GLIS3: variants seen among roughly 807,000 people sequenced by gnomAD.
GLIS3 encodes the protein GLIS family zinc finger 3, also known as zinc finger protein GLIS3.
A neutral mutation model predicts 78.6 loss-of-function variants in GLIS3; 53 were observed. The observed-to-expected ratio is 0.67, with a 90% confidence interval of 0.54 to 0.85. The LOEUF (loss-of-function observed/expected upper bound fraction) is 0.85, where lower values mean the gene tolerates loss of function less well. Ranked by LOEUF, GLIS3 falls within the 40% of genes least tolerant of loss-of-function variation. GLIS3 has a pLI of 0.00. For synonymous variants in GLIS3, 684 were observed against 509.9 expected (o/e 1.34, Z -4.60); for missense variants, 1,703 against 1,231.1 (o/e 1.38, Z -5.74).
chr9:4,346,355 A>G (rs1458684280), intron 2 of GLIS3, among the ~76,000 whole-genome samples: 1 of 151,598 alleles, frequency 6.6e-6, no homozygotes, highest in Non-Finnish European at 1.5e-5. Flanking sequence ...TTTGACAGTC[A>G]AAGCAGAGCG....
chr9:4,050,332 T>C (rs532153845), intron 4 of GLIS3, among the ~76,000 whole-genome samples: 258 of 152,168 alleles, frequency 1.7e-3, no homozygotes, highest in Non-Finnish European at 3.1e-3. Context: ...TTATTCTCAG[T>C]AAACTATCGC....
intron 2 of GLIS3, among the ~76,000 whole-genome samples, chr9:4,190,469 G>A (rs1461239746): frequency 0.09 from 9,405 of 104,696 alleles, 776 homozygotes; most frequent in South Asian, 0.21. Flanking sequence ...AAGCGAGAAG[G>A]GAAGTTTAGA....
chr9:4,463,849 A>G, the GLIS3 span, among the ~76,000 whole-genome samples: 2 of 152,336 alleles, frequency 1.3e-5, no homozygotes, highest in African/African-American at 2.4e-5. Flanking sequence ...GCAGGAGTGC[A>G]GGCAGTCATT....
intron 4 of GLIS3, among the ~76,000 whole-genome samples, chr9:4,001,887 C>T (rs1157702183): frequency 6.6e-6 from 1 of 152,192 alleles, no homozygotes; most frequent in Non-Finnish European, 1.5e-5. Flanking sequence ...TGTATTAATA[C>T]TAGCATTCTC....
At chr9:4,258,746 T>C (rs1032995659) in intron 2 of GLIS3, among the ~76,000 whole-genome samples, 5 of 152,262 alleles carry the variant, frequency 3.3e-5, no homozygotes, top group South Asian at 2.1e-4. Flanking sequence ...GTTTTATTAA[T>C]TGCTAGCTAC....
At chr9:4,318,425 G>A (rs1301920147) in intron 2 of GLIS3, among the ~76,000 whole-genome samples, 1 of 152,096 alleles carries the variant, frequency 6.6e-6, no homozygotes, top group Non-Finnish European at 1.5e-5. Flanking sequence ...CAGGACTAGG[G>A]CAGGGAAAGT....
At chr9:4,059,190 G>A (rs570440275) in intron 4 of GLIS3, among the ~76,000 whole-genome samples, 1 of 152,268 alleles carries the variant, frequency 6.6e-6, no homozygotes, top group Admixed American at 6.5e-5. Context: ...CTTGAGATCT[G>A]AGCACAGACG....
the GLIS3 span, among the ~76,000 whole-genome samples, chr9:4,383,806 T>C: frequency 6.6e-6 from 1 of 152,350 alleles, no homozygotes; most frequent in South Asian, 2.1e-4. Context: ...CAAACTTCTA[T>C]GTTCAGAAGT....
intron 4 of GLIS3, among the ~76,000 whole-genome samples, chr9:4,047,006 G>A (rs941545801): frequency 6.6e-6 from 1 of 152,100 alleles, no homozygotes; most frequent in Non-Finnish European, 1.5e-5. Flanking sequence ...ACTTCAAAAT[G>A]GGTTGCTGAG....
At chr9:4,432,638 C>CT in the GLIS3 span, among the ~76,000 whole-genome samples, 7,961 of 113,524 alleles carry the variant, frequency 0.07, 452 homozygotes, top group African/African-American at 0.12. Flanking sequence ...TTTTTATTTC[C>CT]TTTTTTTTTT....
chr9:3,919,262 G>T (rs1208778069), intron 6 of GLIS3, among the ~76,000 whole-genome samples: 1 of 152,200 alleles, frequency 6.6e-6, no homozygotes, highest in East Asian at 1.9e-4. Context: ...TAGTCAGAAT[G>T]GTAAAGCCAA....
chr9:3,988,054 T>C (rs919613812), intron 4 of GLIS3, among the ~76,000 whole-genome samples: 1 of 152,080 alleles, frequency 6.6e-6, no homozygotes, highest in Non-Finnish European at 1.5e-5. Context: ...GTATACATTG[T>C]GAAATATTCA....
At chr9:4,482,221 A>C in the GLIS3 span, among the ~76,000 whole-genome samples, 1 of 152,234 alleles carries the variant, frequency 6.6e-6, no homozygotes, top group Admixed American at 6.5e-5. Context: ...TCAATTTGTC[A>C]GAGTGAGCAA....
chr9:4,262,637 G>A (rs943380249), intron 2 of GLIS3, among the ~76,000 whole-genome samples: 4 of 151,982 alleles, frequency 2.6e-5, no homozygotes, highest in African/African-American at 9.7e-5. Flanking sequence ...ATGAGAAGGT[G>A]GTATTTTTAT....
At chr9:4,324,225 T>G (rs1817572361) in intron 2 of GLIS3, among the ~76,000 whole-genome samples, 1 of 152,220 alleles carries the variant, frequency 6.6e-6, no homozygotes, top group Admixed American at 6.5e-5. Flanking sequence ...GAAAATGGGC[T>G]ACATAAAACT....
chr9:4,004,579 G>T (rs1451527541), intron 4 of GLIS3, among the ~76,000 whole-genome samples: 3 of 152,102 alleles, frequency 2.0e-5, no homozygotes, highest in Non-Finnish European at 4.4e-5. Flanking sequence ...AAAGAAAAGG[G>T]CAATTTGGAG....
chr9:4,486,682 G>A, the GLIS3 span, among the ~76,000 whole-genome samples: 6 of 152,140 alleles, frequency 3.9e-5, no homozygotes, highest in Middle Eastern at 3.4e-3. Flanking sequence ...CAAGGGCCTT[G>A]GTCCTCCCAG....
intron 2 of GLIS3, among the ~76,000 whole-genome samples, chr9:4,276,997 C>A (rs1827091934): frequency 6.6e-6 from 1 of 151,900 alleles, no homozygotes. Flanking sequence ...ATTGGAAGTG[C>A]AAGAAAATAT....
chr9:4,468,457 C>G, the GLIS3 span, among the ~76,000 whole-genome samples: 1 of 152,160 alleles, frequency 6.6e-6, no homozygotes, highest in Non-Finnish European at 1.5e-5. Flanking sequence ...CTCTACAAGC[C>G]AGAAGAGAGT....
Sources: gnomAD v4.1 joint callset for allele counts (sites outside exome capture counted in the v4.1 genomes callset) on GRCh38, gnomAD v4.1.1 for gene constraint, MANE v1.5 for transcripts, NCBI Gene and HGNC (gene_info 2026-07-23, HGNC 2026-07-21) for gene names.